The following GTF2F2 variants were observed in gnomAD, a reference collection of about 807,000 sequenced individuals.
GTF2F2 encodes the protein ATP-dependent helicase GTF2F2.
GTF2F2 carries 23 observed loss-of-function variants against 42.2 expected under a neutral mutation model. The observed-to-expected ratio is 0.55, with a 90% CI of 0.39 to 0.77. The LOEUF (loss-of-function observed/expected upper bound fraction) is 0.77, where lower values mean the gene tolerates loss of function less well. Ranked by LOEUF, GTF2F2 falls within the 30% of genes least tolerant of loss-of-function variation. The pLI, the probability that GTF2F2 is intolerant of heterozygous loss-of-function variation, is 0.00. For synonymous variants in GTF2F2, 105 were observed against 100.8 expected (o/e 1.04, Z -0.25); for missense variants, 261 against 287.2 (o/e 0.91, Z 0.66).
chr13:45,121,037 T>C (rs1387491872), intron 1 of GTF2F2, among the ~76,000 whole-genome samples: 1 of 152,260 alleles, frequency 6.6e-6, no homozygotes, highest in African/African-American at 2.4e-5. Flanking sequence ...GAAGAATTCC[T>C]TGTATCTTCC....
At chr13:45,248,458 G>GTTT (rs1476982658) in intron 5 of GTF2F2, among the ~76,000 whole-genome samples, 1 of 151,478 alleles carries the variant, frequency 6.6e-6, no homozygotes, top group Non-Finnish European at 1.5e-5. Flanking sequence ...GTTTTTGTGT[G>GTTT]TTTTGTTTTT....
At chr13:45,253,258 G>C (rs1875952463) in intron 6 of GTF2F2, among the ~76,000 whole-genome samples, 1 of 152,124 alleles carries the variant, frequency 6.6e-6, no homozygotes, top group Non-Finnish European at 1.5e-5. Context: ...TCTCAATGTT[G>C]CAATGTTGCT....
chr13:45,230,720 CT>C lies in GTF2F2; in HGVS notation c.387-22148del, dbSNP rs1434181245. ...CTAGCTACATGTCATGTAATTATAA[CT>C]TTACTTTGAACTAGGGTTTTTATTT... On this transcript the variant is annotated intron_variant, in intron 5 of 7. Coordinates refer to ENST00000340473, the MANE Select transcript of GTF2F2 (RefSeq NM_004128.3). Among the ~76,000 whole-genome samples, 12 of 152,162 alleles carry C rather than the reference CT, an allele frequency of 7.9e-5. 1 individual carries two copies. The highest frequency in any genetic ancestry group is 7.9e-4 in the Admixed American group (12 of 15,282).
intron 4 of GTF2F2, chr13:45,193,139 A>G (rs907818065): frequency 6.6e-6 from 1 of 152,242 alleles, no homozygotes; most frequent in Non-Finnish European, 1.5e-5. Context: ...ATTGTCATCA[A>G]GCAGTTTTCT....
intron 7 of GTF2F2, 94 bp downstream of exon 7, chr13:45,267,470 A>G (rs1050183885): frequency 3.6e-6 from 3 of 841,372 alleles, no homozygotes; most frequent in Non-Finnish European, 5.4e-6. Flanking sequence ...GTTCACATTT[A>G]CCTATGCTAA....
intron 4 of GTF2F2, among the ~76,000 whole-genome samples, chr13:45,165,712 A>G (rs537660681): frequency 4.6e-5 from 7 of 151,682 alleles, no homozygotes; most frequent in Admixed American, 4.6e-4. Flanking sequence ...TGTTTCAGCT[A>G]TACCCCAGTC....
At chr13:45,155,875 T>C (rs568955445) in intron 4 of GTF2F2, among the ~76,000 whole-genome samples, 71 of 152,352 alleles carry the variant, frequency 4.7e-4, no homozygotes, top group African/African-American at 1.6e-3. Context: ...TTCAGTTTAG[T>C]ATTTGTATTT....
chr13:45,267,936 A>G (rs1004355159), intron 7 of GTF2F2, among the ~76,000 whole-genome samples: 1 of 151,972 alleles, frequency 6.6e-6, no homozygotes, highest in Non-Finnish European at 1.5e-5. Flanking sequence ...TTTAAGGACA[A>G]ATTTAACAAA....
intron 1 of GTF2F2, among the ~76,000 whole-genome samples, chr13:45,135,009 A>C (rs1869543796): frequency 6.6e-6 from 1 of 150,742 alleles, no homozygotes; most frequent in African/African-American, 2.4e-5. Flanking sequence ...GCTGGAGTGC[A>C]GTGGTGTAAT....
chr13:45,173,769 T>C (rs1264434520), intron 4 of GTF2F2, among the ~76,000 whole-genome samples: 1 of 151,464 alleles, frequency 6.6e-6, no homozygotes, highest in Non-Finnish European at 1.5e-5. Flanking sequence ...AGGCGCCCGC[T>C]ACCACGCCCA....
At chr13:45,178,644 G>A (rs988872776) in intron 4 of GTF2F2, among the ~76,000 whole-genome samples, 1 of 151,056 alleles carries the variant, frequency 6.6e-6, no homozygotes, top group Non-Finnish European at 1.5e-5. Flanking sequence ...CTCAAATTCC[G>A]TTTACCAAAC....
intron 2 of GTF2F2, among the ~76,000 whole-genome samples, chr13:45,142,716 G>T (rs1029174836): frequency 6.6e-6 from 1 of 152,136 alleles, no homozygotes; most frequent in African/African-American, 2.4e-5. Context: ...TGCCTAGTTG[G>T]TCTCCTGGCT....
chr13:45,241,805 T>A (rs1875324880), intron 5 of GTF2F2, among the ~76,000 whole-genome samples: 1 of 152,206 alleles, frequency 6.6e-6, no homozygotes, highest in Admixed American at 6.5e-5. Context: ...TTCCTCCTTA[T>A]TTATTTATTC....
At chr13:45,236,529 A>ACACACACACACACACAC (rs1491343155) in intron 5 of GTF2F2, among the ~76,000 whole-genome samples, 1 of 145,442 alleles carries the variant, frequency 6.9e-6, no homozygotes, top group African/African-American at 2.6e-5. Context: ...ACACACACAC[A>ACACACACACACACACAC]AGTTTATGAG....
At chr13:45,148,296 TC>T (rs1370174992) in intron 2 of GTF2F2, among the ~76,000 whole-genome samples, 2 of 152,230 alleles carry the variant, frequency 1.3e-5, no homozygotes, top group African/African-American at 4.8e-5. Flanking sequence ...TCAAACAATA[TC>T]TACAGATCTC....
chr13:45,249,554 G>A (rs141059575), intron 5 of GTF2F2, among the ~76,000 whole-genome samples: 8 of 152,272 alleles, frequency 5.3e-5, no homozygotes, highest in Non-Finnish European at 8.8e-5. Context: ...AAATTCAAGT[G>A]TAAGAGTGTG....
At chr13:45,184,088 A>T (rs1242347761) in intron 4 of GTF2F2, among the ~76,000 whole-genome samples, 1 of 151,896 alleles carries the variant, frequency 6.6e-6, no homozygotes, top group East Asian at 1.9e-4. Flanking sequence ...TGAACTCCCG[A>T]CAAGTGATCT....
chr13:45,268,734 CG>C (rs1876669653), intron 7 of GTF2F2, among the ~76,000 whole-genome samples: 1 of 151,868 alleles, frequency 6.6e-6, no homozygotes, highest in East Asian at 1.9e-4. Context: ...TGAAAACAGA[CG>C]AGATTCTCAT....
At chr13:45,274,323 CTTTTTTT>C (rs367793010) in intron 7 of GTF2F2, among the ~76,000 whole-genome samples, 1 of 102,430 alleles carries the variant, frequency 9.8e-6, no homozygotes, top group Non-Finnish European at 1.9e-5. Flanking sequence ...ACAAATTATA[CTTTTTTT>C]TTTTTTTTTT....
Sources: allele counts gnomAD v4.1 joint callset (sites outside exome capture counted in the v4.1 genomes callset), GRCh38; gene constraint gnomAD v4.1.1; transcripts MANE v1.5; gene names NCBI Gene and HGNC (gene_info 2026-07-23, HGNC 2026-07-21).